Variants in HNF4G observed in about 807,000 individuals in gnomAD.
HNF4G encodes hepatocyte nuclear factor 4-gamma.
HNF4G carries 21 observed loss-of-function variants against 50.9 expected under a neutral mutation model. That is an observed-to-expected ratio of 0.41 (90% CI 0.29 to 0.59). The LOEUF (loss-of-function observed/expected upper bound fraction) is 0.59. HNF4G is among the 20% of genes least tolerant of loss of function. The pLI is 0.26. For synonymous variants in HNF4G, 198 were observed against 185.6 expected, an observed-to-expected ratio of 1.07 and a Z score of -0.54; for missense variants, 527 against 559.4, an observed-to-expected ratio of 0.94 and a Z score of 0.58.
chr8:75,556,780 G>A (rs1204874461), intron 6 of HNF4G, among the ~76,000 whole-genome samples: 2 of 152,058 alleles, frequency 1.3e-5, no homozygotes, highest in African/African-American at 4.8e-5. Context: ...TGTGCTAGAT[G>A]TTTTAGCCCC....
At chr8:75,441,617 C>A (rs1329588486) in intron 1 of HNF4G, among the ~76,000 whole-genome samples, 1 of 152,134 alleles carries the variant, frequency 6.6e-6, no homozygotes, top group Non-Finnish European at 1.5e-5. Flanking sequence ...ATCTTGATAA[C>A]TGTTTTTTGT....
In HNF4G at chr8:75,517,990, T is replaced by A. The variant is rs190653964; in HGVS notation, c.-23-25821T>A. ...TTCTAAACCTCAATTCTTTTTTTTT[T>A]AATTATTATTATTATACTTTAAGTT... On this transcript the variant is annotated intron_variant, in intron 2 of 10. Coordinates refer to the HNF4G transcript ENST00000354370. 4.8e-3 allele frequency among the ~76,000 whole-genome samples: 732 copies of A among 151,572 alleles called. 6 individuals are homozygous for A. Among genetic ancestry groups the A allele is most frequent in the African/African-American group, 0.013 (523 of 41,220 alleles).
intron 1 of HNF4G, among the ~76,000 whole-genome samples, chr8:75,442,852 C>T (rs927329281): frequency 6.6e-6 from 1 of 151,986 alleles, no homozygotes; most frequent in African/African-American, 2.4e-5. Flanking sequence ...TGTGAGTCTG[C>T]CAGAACAACT....
chr8:75,442,338 CATAT>C (rs1253937839), intron 1 of HNF4G, among the ~76,000 whole-genome samples: 4 of 151,858 alleles, frequency 2.6e-5, no homozygotes, highest in African/African-American at 9.7e-5. Flanking sequence ...TATTCTTTTG[CATAT>C]ATATTTTATA....
At chr8:75,473,849 G>GT (rs1812179689) in intron 1 of HNF4G, among the ~76,000 whole-genome samples, 1 of 151,860 alleles carries the variant, frequency 6.6e-6, no homozygotes, top group African/African-American at 2.4e-5. Flanking sequence ...CACGGTTTGG[G>GT]TAGATGAGGT....
intron 1 of HNF4G, among the ~76,000 whole-genome samples, chr8:75,477,903 G>T (rs1191968684): frequency 6.6e-6 from 1 of 152,138 alleles, no homozygotes; most frequent in Non-Finnish European, 1.5e-5. Context: ...GGAGGGGGAG[G>T]CTGCAGTGAG....
chr8:75,474,891 T>C (rs1376569707), intron 1 of HNF4G, among the ~76,000 whole-genome samples: 4 of 152,024 alleles, frequency 2.6e-5, no homozygotes, highest in Non-Finnish European at 5.9e-5. Flanking sequence ...AGATACGAGG[T>C]GTCACCGTGT....
At chr8:75,416,096 G>A (rs72658081) in intron 1 of HNF4G, among the ~76,000 whole-genome samples, 10,610 of 152,184 alleles carry the variant, frequency 0.07, 384 homozygotes, top group Middle Eastern at 0.11. Context: ...AAAATGATAT[G>A]TTAGTTAATT....
Position 75,468,888 on chromosome 8 carries a change from AC to A in HNF4G, c.-143-21200del, listed in dbSNP as rs957953067. Among the ~76,000 whole-genome samples the A allele has an allele frequency of 1.1e-4, 16 of 152,020 alleles. 1 individual carries two copies. Among genetic ancestry groups the A allele is most frequent in the Non-Finnish European group, 7.3e-5 (5 of 68,028 alleles). ...TTATGGGAAACCAAAGTCTTGAGAAACAAAACAAAACCCACTCTTTATTCTT... is the reference window on the plus strand; with the variant it reads ...TTATGGGAAACCAAAGTCTTGAGAAAAAAACAAAACCCACTCTTTATTCTT... On this transcript the variant is annotated intron_variant, in intron 1 of 10. Coordinates refer to the HNF4G transcript ENST00000354370.
chr8:75,456,001 C>T (rs1484546268), intron 1 of HNF4G, among the ~76,000 whole-genome samples: 3 of 152,066 alleles, frequency 2.0e-5, no homozygotes, highest in African/African-American at 4.8e-5. Context: ...ACAAGTTATA[C>T]GAGCTTTGCC....
intron 1 of HNF4G, among the ~76,000 whole-genome samples, chr8:75,450,849 C>T (rs191287550): frequency 2.2e-4 from 34 of 152,254 alleles, no homozygotes; most frequent in African/African-American, 8.2e-4. Context: ...GGGTCATTAT[C>T]TCTAGAGTGG....
At chr8:75,434,204 G>T (rs1435921101) in intron 1 of HNF4G, among the ~76,000 whole-genome samples, 1 of 151,698 alleles carries the variant, frequency 6.6e-6, no homozygotes, top group Non-Finnish European at 1.5e-5. Context: ...AGGTTGTACC[G>T]TGCTGGCCAG....
rs368484226 is a variant in HNF4G, at chr8:75,558,515, T to C, written c.734-3T>C. 10 of 1,605,586 alleles carry C rather than the reference T, an allele frequency of 6.2e-6. No individual in the cohort carries two copies. The highest frequency in any genetic ancestry group is 1.1e-5 in the South Asian group (1 of 89,070). ...TTGTTTTGTTTTGTTTTCTCTCTCATAGGAAACAACTATGTTATTCACCGC... is the reference window on the plus strand; with the variant it reads ...TTGTTTTGTTTTGTTTTCTCTCTCACAGGAAACAACTATGTTATTCACCGC... On this transcript the variant is annotated splice_polypyrimidine_tract_variant and splice_region_variant and intron_variant, in intron 6 of 9. Transcript: ENST00000396423.
intron 2 of HNF4G, among the ~76,000 whole-genome samples, chr8:75,501,600 A>T (rs927688859): frequency 2.0e-5 from 3 of 152,110 alleles, no homozygotes; most frequent in Non-Finnish European, 2.9e-5. Context: ...GTGTGTAGAC[A>T]TTTGGTTCGC....
intron 1 of HNF4G, among the ~76,000 whole-genome samples, chr8:75,419,955 A>G (rs1810739552): frequency 6.6e-6 from 1 of 152,222 alleles, no homozygotes; most frequent in Non-Finnish European, 1.5e-5. Flanking sequence ...GTTGAACAAC[A>G]TATATAAGAC....
chr8:75,475,752 G>T (rs1029189345), intron 1 of HNF4G, among the ~76,000 whole-genome samples: 1 of 151,910 alleles, frequency 6.6e-6, no homozygotes, highest in African/African-American at 2.4e-5. Context: ...GTGCCAAGAA[G>T]AAAATGCCCA....
chr8:75,410,426 C>T (rs1054305201), intron 1 of HNF4G, among the ~76,000 whole-genome samples: 3 of 152,010 alleles, frequency 2.0e-5, no homozygotes, highest in Non-Finnish European at 4.4e-5. Context: ...TTGGGGAGTT[C>T]GGGAATTTTT....
rs368808035 is a variant in HNF4G, at chr8:75,466,636, CTCCCTTCCCTTCCCT to C, written c.-143-23411_-143-23397del. On this transcript the variant is annotated intron_variant, in intron 1 of 10. Coordinates refer to the HNF4G transcript ENST00000354370. ...TCCTTCCTTCCTTCCTTCCTTCCTT[CTCCCTTCCCTTCCCT>C]TCCCTTCCCTTCCCTTCCCTTCCCT... Among the ~76,000 whole-genome samples the C allele has an allele frequency of 6.5e-3, 251 of 38,696 alleles. 5 individuals carry two copies. Among genetic ancestry groups the C allele is most frequent in the South Asian group, 0.018 (15 of 844 alleles). 25.4% of individuals were successfully genotyped at this position (38,696 alleles called of 152,430 possible). A position where few individuals can be genotyped will look rare whatever the true frequency, so the allele number is the denominator to read the frequency against.
At chr8:75,539,203 A>G (rs1395106697), upstream of HNF4G, among the ~76,000 whole-genome samples, 6 of 152,204 alleles carry the variant, frequency 3.9e-5, no homozygotes, top group Admixed American at 6.6e-5. Context: ...AAAAGAAATG[A>G]AACATTATAC....
Sources: gnomAD v4.1 joint callset for allele counts (sites outside exome capture counted in the v4.1 genomes callset) on GRCh38, gnomAD v4.1.1 for gene constraint, MANE v1.5 for transcripts, NCBI Gene and HGNC (gene_info 2026-07-23, HGNC 2026-07-21) for gene names.